Variants in ZNF91 observed in about 807,000 individuals in gnomAD.
The protein encoded by ZNF91 is zinc finger protein 91 (HPF7, HTF10).
ZNF91 carries 7 observed loss-of-function variants against 12.6 expected under a neutral mutation model. That is an observed-to-expected ratio of 0.55 (90% confidence interval 0.31 to 1.04). The LOEUF (loss-of-function observed/expected upper bound fraction) is 1.04, where lower values mean the gene tolerates loss of function less well. Among genes scored for constraint, ZNF91 ranks in the 50% least tolerant of loss-of-function variants. The pLI, the probability that ZNF91 is intolerant of heterozygous loss-of-function variation, is 0.05. For synonymous variants in ZNF91, 453 were observed against 462.6 expected (o/e 0.98, Z 0.27); for missense variants, 1,217 against 1,385.4 (o/e 0.88, Z 1.93).
chr19:23,353,220 C>T (rs1218722720), downstream of ZNF91, among the ~76,000 whole-genome samples: 1 of 152,074 alleles, frequency 6.6e-6, no homozygotes, highest in Admixed American at 6.6e-5. Flanking sequence ...TAAAATAAGC[C>T]TCAATAAATT....
At chr19:23,352,110 G>C (rs1599711247) in intron 3 of ZNF91, among the ~76,000 whole-genome samples, 2 of 152,312 alleles carry the variant, frequency 1.3e-5, no homozygotes, top group East Asian at 1.9e-4. Flanking sequence ...CTAAAGCCCT[G>C]TTCTTTCCCA....
chr19:23,373,737 C>T lies in ZNF91; in HGVS notation c.253+5G>A, dbSNP rs200994728. The T allele has an allele frequency of 6.2e-7, 1 of 1,607,534 alleles. No homozygotes were observed. Among genetic ancestry groups the T allele is most frequent in the East Asian group, 2.3e-5 (1 of 44,428 alleles). Reference sequence around the variant, plus strand: ...TTGTCGTCTGTTGTATTCACTCTCACCTACCTGTGGGTTCATCCACCATCT... The same window carrying T: ...TTGTCGTCTGTTGTATTCACTCTCATCTACCTGTGGGTTCATCCACCATCT... On this transcript the variant is annotated splice_donor_5th_base_variant and intron_variant, in intron 3 of 3. Coordinates refer to ENST00000300619, the MANE Select transcript of ZNF91 (RefSeq NM_003430.4).
At chr19:23,332,542 T>A (rs1415359774) in intron 1 of ZNF91, among the ~76,000 whole-genome samples, 1 of 152,126 alleles carries the variant, frequency 6.6e-6, no homozygotes, top group Non-Finnish European at 1.5e-5. Flanking sequence ...CACGATTCGT[T>A]CACCAAACAA....
Position 23,358,959 on chromosome 19 carries a change from T to C in ZNF91, c.*444A>G. 1 of 358,456 alleles carries C rather than the reference T, an allele frequency of 2.8e-6. No homozygotes were observed. The highest frequency in any genetic ancestry group is 2.9e-5 in the South Asian group (1 of 34,016). The allele number at this position is 358,456 out of a possible 1,614,324, so 22.2% of individuals were successfully genotyped here. ...ATTATTCACACTTGTAAGATTTCTCTCCAATATGAGTTATCTTATCTGTAG... is the reference window on the plus strand; with the variant it reads ...ATTATTCACACTTGTAAGATTTCTCCCCAATATGAGTTATCTTATCTGTAG... On this transcript the variant is annotated 3_prime_UTR_variant, in exon 4 of 4. Transcript: ENST00000300619.
intron 1 of ZNF91, among the ~76,000 whole-genome samples, chr19:23,387,759 G>GGCCAA (rs1568404248): frequency 6.6e-6 from 1 of 151,774 alleles, no homozygotes; most frequent in Non-Finnish European, 1.5e-5. Flanking sequence ...GGCCAACATG[G>GGCCAA]TAAAACCCCA....
chr19:23,377,380 G>A (rs1301461451), intron 1 of ZNF91, among the ~76,000 whole-genome samples: 1 of 152,176 alleles, frequency 6.6e-6, no homozygotes, highest in Non-Finnish European at 1.5e-5. Context: ...TTGGCCATGT[G>A]CTTCTAATTA....
intron 1 of ZNF91, among the ~76,000 whole-genome samples, chr19:23,392,194 G>A (rs1163091580): frequency 2.0e-5 from 3 of 151,674 alleles, no homozygotes; most frequent in East Asian, 1.9e-4. Flanking sequence ...TCAGGAGTTC[G>A]AGACCAGCCT....
At chr19:23,363,102 A>G (rs1024407839) in intron 3 of ZNF91, among the ~76,000 whole-genome samples, 8 of 152,220 alleles carry the variant, frequency 5.3e-5, no homozygotes, top group Admixed American at 5.2e-4. Flanking sequence ...GGGGAGCACA[A>G]TGCAAAAAAC....
intron 1 of ZNF91, among the ~76,000 whole-genome samples, chr19:23,378,686 C>G (rs914787605): frequency 1.3e-5 from 2 of 152,096 alleles, no homozygotes; most frequent in Non-Finnish European, 2.9e-5. Context: ...GTAGACATCA[C>G]AAGTCACAAA....
chr19:23,359,039 G>A lies in ZNF91; in HGVS notation c.*364C>T. 1.9e-6 allele frequency: 1 copy of A among 518,184 alleles called. No homozygotes were observed. 32.1% of individuals were successfully genotyped at this position (518,184 alleles called of 1,614,324 possible). ...CCAAATTTTTCCTGTTTGTAGGGTTGCTGTCCAGTATGAATTTTCTTATGT... is the reference window on the plus strand; with the variant it reads ...CCAAATTTTTCCTGTTTGTAGGGTTACTGTCCAGTATGAATTTTCTTATGT... On this transcript the variant is annotated 3_prime_UTR_variant, in exon 4 of 4. Coordinates refer to ENST00000300619, the MANE Select transcript of ZNF91 (RefSeq NM_003430.4).
At chr19:23,375,163 ATTTT>A (rs377328598) in intron 1 of ZNF91, among the ~76,000 whole-genome samples, 1 of 146,148 alleles carries the variant, frequency 6.8e-6, no homozygotes, top group Non-Finnish European at 1.5e-5. Context: ...ACCACTCAAA[ATTTT>A]TTTTTTTTTT....
chr19:23,361,731 A>C lies in ZNF91; in HGVS notation c.1248T>G (p.Asn416Lys). Residue 416 changes from asparagine (N) to lysine (K), a missense_variant, in exon 4 of 4, where the codon AAT becomes AAG. By Grantham distance (94) the Asn-to-Lys change is moderately conservative. Around this residue, in one of 2 missense-constraint regions of ZNF91, gnomAD observed 726 missense variants for 895.5 expected, o/e 0.81. Coordinates refer to ENST00000300619, the MANE Select transcript of ZNF91 (RefSeq NM_003430.4). ...TATGTATAGTAAGATTTGAAGATCG[A>C]TTAAAAGCTTTGCCACATTCTTCAC... ...YKCEECGKAF[N>K]RSSNLTIHKF... 1 of 1,606,426 alleles carries C rather than the reference A, an allele frequency of 6.2e-7. No homozygotes were observed. The highest frequency in any genetic ancestry group is 8.5e-7 in the Non-Finnish European group (1 of 1,176,296).
At chr19:23,344,346 GGCCTC>G (rs1968178881) in intron 3 of ZNF91, among the ~76,000 whole-genome samples, 1 of 151,942 alleles carries the variant, frequency 6.6e-6, no homozygotes, top group South Asian at 2.1e-4. Flanking sequence ...CGCCCGCCTC[GGCCTC>G]CCAAATTGCT....
Position 23,382,435 on chromosome 19 carries a change from G to T in ZNF91, c.31-7671C>A, listed in dbSNP as rs78108745. ...AGATTCAGACACAATAATAGTGGGA[G>T]ACTACAACATCCCACAGGCACTAAT... On this transcript the variant is annotated intron_variant, in intron 1 of 3. Coordinates refer to ENST00000300619, the MANE Select transcript of ZNF91 (RefSeq NM_003430.4). Among the ~76,000 whole-genome samples, 670 of 152,266 alleles carry T rather than the reference G, an allele frequency of 4.4e-3. 4 individuals carry two copies. The highest frequency in any genetic ancestry group is 0.016 in the African/African-American group (645 of 41,554).
Position 23,395,437 on chromosome 19 carries a change from G to C in ZNF91, c.-83C>G, listed in dbSNP as rs891158809. 6.9e-5 allele frequency: 106 copies of C among 1,534,900 alleles called. No individual in the cohort carries two copies. Among genetic ancestry groups the C allele is most frequent in the Middle Eastern group, 5.2e-4 (3 of 5,802 alleles). ...GGAGCAGAGGACACAGAGCAGTGAAGTCGAGACCTGGAAACTCCGGCGGCA... is the reference window on the plus strand; with the variant it reads ...GGAGCAGAGGACACAGAGCAGTGAACTCGAGACCTGGAAACTCCGGCGGCA... On this transcript the variant is annotated 5_prime_UTR_variant, in exon 1 of 4. Coordinates refer to ENST00000300619, the MANE Select transcript of ZNF91 (RefSeq NM_003430.4).
At chr19:23,373,632 C>A in intron 3 of ZNF91, 110 bp downstream of exon 3, 1 of 828,512 alleles carries the variant, frequency 1.2e-6, no homozygotes, top group South Asian at 1.7e-5. Context: ...TCAGGCTTCC[C>A]AGAAACTATT....
At chr19:23,338,783 G>C (rs916686969) in exon 4 of ZNF91, 2 of 152,102 alleles carry the variant, frequency 1.3e-5, no homozygotes, top group African/African-American at 2.4e-5. Flanking sequence ...GTTGGGTGCG[G>C]TGGCTCACGC....
Position 23,360,715 on chromosome 19 carries a change from G to T in ZNF91, c.2264C>A (p.Ser755Ter). The change falls in exon 4 of 4, where the codon TCA becomes TAA. Residue 755 changes from serine to a stop codon, truncating the protein, a stop_gained. Coordinates refer to ENST00000300619, the MANE Select transcript of ZNF91 (RefSeq NM_003430.4). LOFTEE classifies it low-confidence loss of function (END_TRUNC). The stretch of plus-strand genomic sequence containing the variant: ...AATTCTTTTATGTTTAGTAAGGCTT[G>T]AGGACCAGTTAAATGCTTTGCCACA... Reference protein sequence around the residue: ...EECGKAFNWSSSLTKHKRIHT... With the variant: ...EECGKAFNWS 1 of 1,613,926 alleles carries T rather than the reference G, an allele frequency of 6.2e-7. No individual in the cohort carries two copies. Among genetic ancestry groups the T allele is most frequent in the Non-Finnish European group, 8.5e-7 (1 of 1,179,910 alleles).
intron 1 of ZNF91, chr19:23,380,302 A>AG (rs1555744773): frequency 1.5e-5 from 2 of 133,640 alleles, no homozygotes; most frequent in African/African-American, 6.1e-5. Context: ...AAAAAAAAAA[A>AG]GAGTGAAGCT....
Sources: allele counts gnomAD v4.1 joint callset (sites outside exome capture counted in the v4.1 genomes callset), GRCh38; gene constraint gnomAD v4.1.1; regional missense constraint gnomAD v4.1.1; transcripts MANE v1.5; gene names NCBI Gene and HGNC (gene_info 2026-07-23, HGNC 2026-07-21).